GEMIN7: variants seen among roughly 807,000 people sequenced by gnomAD.
GEMIN7 encodes the protein gem-associated protein 7.
In GEMIN7, 7 loss-of-function variants were observed where a neutral mutation model predicts 7.8. The ratio of observed to expected loss-of-function variants is 0.90; its 90% CI spans 0.51 to 1.69. GEMIN7 has a LOEUF of 1.69. GEMIN7 is among the 40% of genes most tolerant of loss of function. GEMIN7 has a pLI of 0.00. For synonymous variants in GEMIN7, 68 were observed against 72.4 expected, an observed-to-expected ratio of 0.94 and a Z score of 0.31; for missense variants, 159 against 176.2, an observed-to-expected ratio of 0.90 and a Z score of 0.55.
Position 45,079,675 on chromosome 19 carries a change from G to T in GEMIN7, c.-131-232G>T, listed in dbSNP as rs1485096163. 2.6e-5 allele frequency among the ~76,000 whole-genome samples: 4 copies of T among 152,344 alleles called. No homozygotes were observed. In the East Asian group the frequency reaches 7.7e-4, roughly 29 times the overall value. On this transcript the variant is annotated intron_variant, in intron 1 of 2. Coordinates refer to ENST00000270257, the MANE Select transcript of GEMIN7 (RefSeq NM_024707.3). ...CGGTGTGGGGAGTGGACGCCTGGGG[G>T]CCGGGAGGACCTACTTAGTATAAGA... is the stretch of plus-strand genomic sequence containing the variant.
At chr19:45,084,257 C>CA (rs1381896988) in intron 2 of GEMIN7, among the ~76,000 whole-genome samples, 1 of 146,546 alleles carries the variant, frequency 6.8e-6, no homozygotes, top group African/African-American at 2.5e-5. Flanking sequence ...AGTGGCTGGG[C>CA]ATGGTGGCTT....
chr19:45,089,005 G>T (rs146607121), intron 2 of GEMIN7, among the ~76,000 whole-genome samples: 2 of 149,484 alleles, frequency 1.3e-5, no homozygotes, highest in African/African-American at 5.0e-5. Flanking sequence ...GCTGTGGTGC[G>T]ATCTCTGCTC....
chr19:45,087,038 G>T (rs1967715912), intron 2 of GEMIN7, among the ~76,000 whole-genome samples: 1 of 151,972 alleles, frequency 6.6e-6, no homozygotes, highest in African/African-American at 2.4e-5. Context: ...GTAGAGACGG[G>T]GTTTCACCAT....
At chr19:45,081,122 C>T (rs897027496) in intron 2 of GEMIN7, among the ~76,000 whole-genome samples, 2 of 152,012 alleles carry the variant, frequency 1.3e-5, no homozygotes, top group African/African-American at 2.4e-5. Flanking sequence ...GGCAATACAG[C>T]GAGACCTCAC....
intron 2 of GEMIN7, among the ~76,000 whole-genome samples, chr19:45,081,752 G>C (rs894068346): frequency 6.6e-6 from 1 of 151,838 alleles, no homozygotes; most frequent in African/African-American, 2.4e-5. Flanking sequence ...TCAGCCTCCC[G>C]AGTAGCTGGG....
intron 2 of GEMIN7, among the ~76,000 whole-genome samples, chr19:45,089,785 C>T (rs1458520121): frequency 6.6e-6 from 1 of 152,224 alleles, no homozygotes; most frequent in East Asian, 1.9e-4. Flanking sequence ...TCCCAAAGGG[C>T]TGGGATTACA....
At chr19:45,086,884 T>TCGCCCAGGCTGGAGTGCAGTGG (rs1967708660) in intron 2 of GEMIN7, among the ~76,000 whole-genome samples, 1 of 152,228 alleles carries the variant, frequency 6.6e-6, no homozygotes, top group Non-Finnish European at 1.5e-5. Context: ...TCTTGCTCTG[T>TCGCCCAGGCTGGAGTGCAGTGG]CGCCCAGGCT....
intron 2 of GEMIN7, among the ~76,000 whole-genome samples, chr19:45,084,640 A>G: frequency 6.6e-6 from 1 of 151,848 alleles, no homozygotes; most frequent in Non-Finnish European, 1.5e-5. Flanking sequence ...CAGTGGCACA[A>G]TATCTCAGCT....
upstream of GEMIN7, among the ~76,000 whole-genome samples, chr19:45,078,829 G>A (rs957291602): frequency 2.6e-5 from 4 of 152,138 alleles, no homozygotes; most frequent in African/African-American, 7.2e-5. Flanking sequence ...CAAAATGACC[G>A]CCTCTGATCC....
At chr19:45,075,716 AGCCCTG>A, upstream of GEMIN7, 1 of 1,613,862 alleles carries the variant, frequency 6.2e-7, no homozygotes, top group Non-Finnish European at 8.5e-7. Flanking sequence ...TACTCACCTG[AGCCCTG>A]GCCGCGGCTG....
At chr19:45,081,777 CCACCA>C (rs1302903154) in intron 2 of GEMIN7, among the ~76,000 whole-genome samples, 3 of 152,108 alleles carry the variant, frequency 2.0e-5, no homozygotes, top group African/African-American at 7.2e-5. Context: ...CAGGCACGCA[CCACCA>C]CACCCAGCTA....
At position 45,090,209 on chromosome 19, in the gene GEMIN7, C is replaced by A; in HGVS notation, c.95C>A (p.Ala32Asp). The A allele has an allele frequency of 6.2e-7, 1 of 1,614,168 alleles. No homozygotes were observed. Among genetic ancestry groups the A allele is most frequent in the South Asian group, 1.1e-5 (1 of 91,086 alleles). The change falls in exon 3 of 3, where the codon GCC (alanine) becomes GAC (aspartate). Residue 32 changes from alanine to aspartate, a missense_variant. Ala to Asp is a moderately radical substitution (Grantham distance 126). Coordinates refer to ENST00000270257, the MANE Select transcript of GEMIN7 (RefSeq NM_024707.3). The stretch of plus-strand genomic sequence containing the variant: ...GGCTTTGCCCCTGATGGACGCAGAG[C>A]CCCCTTGAGGCCAGAGGTTCCTGAA... ...SRGFAPDGRRAPLRPEVPEIQ... is the reference protein window; with the variant it reads ...SRGFAPDGRRDPLRPEVPEIQ...
intron 2 of GEMIN7, among the ~76,000 whole-genome samples, chr19:45,087,430 G>A (rs749326524): frequency 5.3e-5 from 8 of 152,000 alleles, no homozygotes; most frequent in Non-Finnish European, 8.8e-5. Context: ...GGCATGCGCC[G>A]CCATGCCCAG....
upstream of GEMIN7, chr19:45,075,773 T>C (rs777310606): frequency 3.1e-6 from 5 of 1,613,942 alleles, no homozygotes; most frequent in Non-Finnish European, 3.4e-6. Flanking sequence ...TTGTGGTCCA[T>C]GAAGGCAGTG....
chr19:45,087,591 A>T lies in GEMIN7; in HGVS notation c.-8-2516A>T, dbSNP rs570119393. ...GGAACCGAAAGTGCAAGAGCCCAAG[A>T]AGGGATTGCCAGGCATCGCGCCTGA... On this transcript the variant is annotated intron_variant, in intron 2 of 2. Transcript: ENST00000270257. 2.1e-3 allele frequency among the ~76,000 whole-genome samples: 327 copies of T among 152,270 alleles called. 1 individual carries two copies. The highest frequency in any genetic ancestry group is 3.0e-3 in the Non-Finnish European group (205 of 68,034).
At chr19:45,080,179 T>G (rs1243899253) in intron 2 of GEMIN7, 150 bp downstream of exon 2, 1 of 152,132 alleles carries the variant, frequency 6.6e-6, no homozygotes, top group Non-Finnish European at 1.5e-5. Flanking sequence ...GATAAAGGCC[T>G]CTGGGGCCAG....
At chr19:45,076,462 C>T, upstream of GEMIN7, 2 of 1,019,346 alleles carry the variant, frequency 2.0e-6, no homozygotes, top group Middle Eastern at 7.1e-4. This position sits in a 1 kb window ranked among gnomAD's most constrained non-coding sequence, Gnocchi z 4.9. Flanking sequence ...GGACCGTGCG[C>T]GCTCAGGTGA....
At chr19:45,082,056 A>G (rs1967522653) in intron 2 of GEMIN7, among the ~76,000 whole-genome samples, 1 of 151,696 alleles carries the variant, frequency 6.6e-6, no homozygotes. Flanking sequence ...TCTCCCTTCA[A>G]TCTCGTTTAT....
chr19:45,088,737 A>G (rs1967787843), intron 2 of GEMIN7: 1 of 152,110 alleles, frequency 6.6e-6, no homozygotes, highest in South Asian at 2.1e-4. Context: ...AAAAAAAAAG[A>G]AAAGGAATAG....
Sources: gnomAD v4.1 joint callset for allele counts (sites outside exome capture counted in the v4.1 genomes callset) on GRCh38, gnomAD v4.1.1 for gene constraint, Gnocchi (gnomAD v3.1) non-coding constraint, MANE v1.5 for transcripts, NCBI Gene and HGNC (gene_info 2026-07-23, HGNC 2026-07-21) for gene names.